Variants in CHMP2B observed in about 807,000 individuals in gnomAD.
The protein encoded by CHMP2B is VPS2 homolog B.
In CHMP2B, 22 loss-of-function variants were observed where a neutral mutation model predicts 29.8. That is an observed-to-expected ratio of 0.74 (90% CI 0.53 to 1.05). The LOEUF (loss-of-function observed/expected upper bound fraction) is 1.05. Among genes scored for constraint, CHMP2B ranks in the 50% least tolerant of loss-of-function variants. The pLI, the probability that CHMP2B is intolerant of heterozygous loss-of-function variation, is 0.00. For missense variants in CHMP2B, 261 were observed against 252.2 expected, an observed-to-expected ratio of 1.03 and a Z score of -0.24; for synonymous variants, 78 against 75.8, an observed-to-expected ratio of 1.03 and a Z score of -0.15.
chr3:87,249,852 G>T, intron 3 of CHMP2B, 23 bp from the exon 4 acceptor site: 1 of 1,431,548 alleles, frequency 7.0e-7, no homozygotes, highest in South Asian at 1.2e-5. Flanking sequence ...GAAGTAACAT[G>T]AATCTTGTAA....
chr3:87,227,362 A>G lies in CHMP2B; in HGVS notation c.-161A>G. On this transcript the variant is annotated 5_prime_UTR_variant, in exon 1 of 6. In the 5' UTR this introduces an upstream ATG that the reference lacks. Transcript: ENST00000263780. Reference sequence around the variant, plus strand: ...TGACGCGGCTGCGGTAGCTGCGGATACAAGCCTTCCGCGGGTCCTGCCTGG... The same window carrying G: ...TGACGCGGCTGCGGTAGCTGCGGATGCAAGCCTTCCGCGGGTCCTGCCTGG... The G allele has an allele frequency of 1.4e-6, 1 of 727,160 alleles. No individual in the cohort carries two copies. Among genetic ancestry groups the G allele is most frequent in the Non-Finnish European group, 2.4e-6 (1 of 411,124 alleles). The allele number at this position is 727,160 out of a possible 1,614,324, so 45.0% of individuals were successfully genotyped here.
chr3:87,229,663 A>G (rs1423372020), intron 1 of CHMP2B, among the ~76,000 whole-genome samples: 1 of 152,142 alleles, frequency 6.6e-6, no homozygotes, highest in Admixed American at 6.5e-5. Flanking sequence ...TATGTCTCTC[A>G]GATCGTTGGA....
chr3:87,247,511 A>G (rs190026270), intron 3 of CHMP2B, among the ~76,000 whole-genome samples: 2 of 152,312 alleles, frequency 1.3e-5, no homozygotes, highest in Non-Finnish European at 2.9e-5. Flanking sequence ...AAGGACACTT[A>G]ATTTGCAGTA....
chr3:87,252,620 C>T (rs1269602966), intron 4 of CHMP2B, among the ~76,000 whole-genome samples: 1 of 151,858 alleles, frequency 6.6e-6, no homozygotes, highest in Non-Finnish European at 1.5e-5. Context: ...TCTCTTACCA[C>T]AATCTGTTTC....
At chr3:87,243,551 A>C (rs1450633258) in intron 2 of CHMP2B, among the ~76,000 whole-genome samples, 2 of 151,988 alleles carry the variant, frequency 1.3e-5, no homozygotes, top group Non-Finnish European at 2.9e-5. Context: ...TCTTTTCTTT[A>C]CTGGAAGGGT....
chr3:87,240,746 A>C lies in CHMP2B; in HGVS notation c.82A>C (p.Ile28Leu). The change falls in exon 2 of 6, where the codon ATA becomes CTA. Residue 28 changes from isoleucine (I) to leucine (L), a missense_variant. Ile to Leu is a conservative substitution (Grantham distance 5, BLOSUM62 2). Transcript: ENST00000263780. ...AGAGTTACGAGGTACACAGAGGGCTATAATCAGAGATCGAGCAGCTTTAGA... is the reference window on the plus strand; with the variant it reads ...AGAGTTACGAGGTACACAGAGGGCTCTAATCAGAGATCGAGCAGCTTTAGA... The part of the protein sequence containing the change: ...NRELRGTQRA[I>L]IRDRAALEKQ... The C allele has an allele frequency of 1.2e-6, 2 of 1,613,784 alleles. No homozygotes were observed. The highest frequency in any genetic ancestry group is 1.7e-6 in the Non-Finnish European group (2 of 1,179,718).
chr3:87,239,086 G>T (rs1397709552), intron 1 of CHMP2B, among the ~76,000 whole-genome samples: 1 of 152,078 alleles, frequency 6.6e-6, no homozygotes, highest in Non-Finnish European at 1.5e-5. Flanking sequence ...CAAAACGTCT[G>T]TTCAAGCCTT....
intron 1 of CHMP2B, among the ~76,000 whole-genome samples, chr3:87,238,282 C>T (rs987842193): frequency 1.3e-5 from 2 of 152,168 alleles, no homozygotes; most frequent in African/African-American, 4.8e-5. Flanking sequence ...TTAGTACATT[C>T]ATTCACAATG....
chr3:87,251,839 T>C (rs1487150108), intron 4 of CHMP2B, among the ~76,000 whole-genome samples: 3 of 148,674 alleles, frequency 2.0e-5, no homozygotes, highest in African/African-American at 7.5e-5. Context: ...TTCTATCTAC[T>C]TCATTCATTT....
At chr3:87,246,898 G>T (rs1706223565) in intron 3 of CHMP2B, among the ~76,000 whole-genome samples, 1 of 152,164 alleles carries the variant, frequency 6.6e-6, no homozygotes, top group African/African-American at 2.4e-5. Flanking sequence ...TATCAGTCAT[G>T]CTAAGCTTTA....
intron 1 of CHMP2B, among the ~76,000 whole-genome samples, chr3:87,234,380 G>T (rs1397803135): frequency 1.3e-5 from 2 of 152,068 alleles, no homozygotes; most frequent in Non-Finnish European, 2.9e-5. Context: ...TGTCTCTTAA[G>T]TCCAAGACTT....
intron 1 of CHMP2B, chr3:87,240,246 T>G (rs1220782326): frequency 6.5e-6 from 1 of 153,236 alleles, no homozygotes; most frequent in African/African-American, 2.4e-5. Flanking sequence ...TATTTAATTT[T>G]TTAGCATATT....
intron 1 of CHMP2B, among the ~76,000 whole-genome samples, chr3:87,228,649 C>A (rs1422128548): frequency 6.6e-6 from 1 of 152,208 alleles, no homozygotes; most frequent in Non-Finnish European, 1.5e-5. Flanking sequence ...CACTTCATTT[C>A]AACACATAAT....
chr3:87,245,703 T>C lies in CHMP2B; in HGVS notation c.127-11T>C, dbSNP rs767024180. On this transcript the variant is annotated splice_polypyrimidine_tract_variant and intron_variant, in intron 2 of 5. Transcript: ENST00000263780. ...ATAATTTTATTTTCTTTTGTTTGTTTCTTCTCTTAGGAATTAGAAATTAAG... is the reference window on the plus strand; with the variant it reads ...ATAATTTTATTTTCTTTTGTTTGTTCCTTCTCTTAGGAATTAGAAATTAAG... The C allele has an allele frequency of 6.2e-7, 1 of 1,607,572 alleles. No individual in the cohort carries two copies. Among genetic ancestry groups the C allele is most frequent in the East Asian group, 2.2e-5 (1 of 44,786 alleles).
intron 1 of CHMP2B, among the ~76,000 whole-genome samples, chr3:87,234,150 C>T (rs1461762418): frequency 2.6e-5 from 4 of 152,086 alleles, no homozygotes; most frequent in South Asian, 2.1e-4. Flanking sequence ...TGCTTTTATC[C>T]TCAAATGTAC....
At chr3:87,236,299 C>T (rs1706006594) in intron 1 of CHMP2B, among the ~76,000 whole-genome samples, 1 of 152,122 alleles carries the variant, frequency 6.6e-6, no homozygotes, top group Non-Finnish European at 1.5e-5. Context: ...TACAAAGAAG[C>T]TTGTTGTGAA....
intron 3 of CHMP2B, among the ~76,000 whole-genome samples, chr3:87,247,828 A>T (rs1344968639): frequency 1.3e-5 from 2 of 152,214 alleles, no homozygotes; most frequent in African/African-American, 2.4e-5. Context: ...TAACAAAAAT[A>T]TATTGTACTT....
intron 1 of CHMP2B, among the ~76,000 whole-genome samples, chr3:87,236,373 C>A (rs1706008728): frequency 6.6e-6 from 1 of 151,790 alleles, no homozygotes; most frequent in Non-Finnish European, 1.5e-5. Context: ...TGCCAGGCAC[C>A]CAGGATGAAG....
chr3:87,245,152 G>C (rs1188706686), intron 2 of CHMP2B, among the ~76,000 whole-genome samples: 1 of 152,020 alleles, frequency 6.6e-6, no homozygotes, highest in Non-Finnish European at 1.5e-5. Flanking sequence ...AGATTGGCAG[G>C]TTTTGATAAG....
Sources: gnomAD v4.1 joint callset for allele counts (sites outside exome capture counted in the v4.1 genomes callset) on GRCh38, gnomAD v4.1.1 for gene constraint, MANE v1.5 for transcripts, NCBI Gene and HGNC (gene_info 2026-07-23, HGNC 2026-07-21) for gene names.